Variants in CD109 observed in about 807,000 individuals in gnomAD.
The protein encoded by CD109 is CD109 antigen.
In CD109, 149 loss-of-function variants were observed where a neutral mutation model predicts 165.8. The ratio of observed to expected loss-of-function variants is 0.90; its 90% CI spans 0.79 to 1.03. The LOEUF (loss-of-function observed/expected upper bound fraction) is 1.03. CD109 is among the 50% of genes least tolerant of loss of function. The pLI, the probability that CD109 is intolerant of heterozygous loss-of-function variation, is 0.00. For synonymous variants in CD109, 585 were observed against 592.1 expected (o/e 0.99, Z 0.18); for missense variants, 1,712 against 1,677.8 (o/e 1.02, Z -0.36).
Position 73,803,319 on chromosome 6 carries a change from C to G in CD109, c.2960+18C>G. On this transcript the variant is annotated intron_variant, in intron 24 of 32. Coordinates refer to ENST00000287097, the MANE Select transcript of CD109 (RefSeq NM_133493.5). ...AGCACTTGGTAAGTGTTTTTGCCAA[C>G]TGAACAAATCCGTGTCATGGAATGG... 9 of 1,593,056 alleles carry G rather than the reference C, an allele frequency of 5.6e-6. No individual in the cohort carries two copies. The highest frequency in any genetic ancestry group is 7.7e-6 in the Non-Finnish European group (9 of 1,162,556).
intron 25 of CD109, 80 bp downstream of exon 25, chr6:73,807,152 AAACTT>A: frequency 9.9e-7 from 1 of 1,009,872 alleles, no homozygotes; most frequent in South Asian, 1.4e-5. Context: ...ATGTGTGTGG[AAACTT>A]AACAAGTTGC....
chr6:73,811,790 G>C (rs769052309), intron 28 of CD109, among the ~76,000 whole-genome samples: 1 of 152,168 alleles, frequency 6.6e-6, no homozygotes, highest in Non-Finnish European at 1.5e-5. Flanking sequence ...ATGAAGAGTG[G>C]TGATGATAAA....
chr6:73,693,149 T>A (rs967954684), upstream of CD109, among the ~76,000 whole-genome samples: 1 of 75,822 alleles, frequency 1.3e-5, no homozygotes, highest in Non-Finnish European at 2.7e-5. Flanking sequence ...GCTGGGTAAT[T>A]TATTAAAAAA....
chr6:73,775,185 G>GTATA (rs201965339), intron 15 of CD109, among the ~76,000 whole-genome samples: 2 of 150,474 alleles, frequency 1.3e-5, no homozygotes, highest in African/African-American at 4.9e-5. Flanking sequence ...GAGGTTATGT[G>GTATA]TATATATATA....
Position 73,750,345 on chromosome 6 carries a change from C to G in CD109, c.634-6298C>G, listed in dbSNP as rs911831138. 5.3e-5 allele frequency among the ~76,000 whole-genome samples: 8 copies of G among 152,070 alleles called. No individual in the cohort carries two copies. In the South Asian group the frequency reaches 1.7e-3, roughly 32 times the overall value. On this transcript the variant is annotated intron_variant, in intron 5 of 32. Coordinates refer to ENST00000287097, the MANE Select transcript of CD109 (RefSeq NM_133493.5). ...TTTAGGAGCAAAGCAGAGAAGCCAT[C>G]CAAAGCAATAGAGAAAGAACAGCCA...
chr6:73,693,382 C>T (rs538310919), upstream of CD109, among the ~76,000 whole-genome samples: 23 of 152,230 alleles, frequency 1.5e-4, no homozygotes, highest in South Asian at 8.3e-4. Context: ...ACTCACCCCC[C>T]GACCCCCAGG....
At chr6:73,798,656 A>C (rs1160362994) in intron 23 of CD109, among the ~76,000 whole-genome samples, 1 of 152,028 alleles carries the variant, frequency 6.6e-6, no homozygotes, top group Non-Finnish European at 1.5e-5. Context: ...TTCACTGCAA[A>C]ACTGGTGATT....
At chr6:73,681,162 TTCTC>T in the CD109 span, among the ~76,000 whole-genome samples, 1 of 152,196 alleles carries the variant, frequency 6.6e-6, no homozygotes, top group Admixed American at 6.5e-5. Flanking sequence ...CTTTGTTCTA[TTCTC>T]TCTCTTTTTT....
chr6:73,812,406 C>A, intron 29 of CD109, 136 bp downstream of exon 29: 1 of 580,026 alleles, frequency 1.7e-6, no homozygotes, highest in Non-Finnish European at 3.0e-6. Flanking sequence ...CAAGATATAT[C>A]ACTGTCTTTA....
At chr6:73,782,894 T>C in intron 18 of CD109, 139 bp downstream of exon 18, 2 of 679,514 alleles carry the variant, frequency 2.9e-6, no homozygotes, top group Non-Finnish European at 4.6e-6. Context: ...TTTTAGGAAA[T>C]GATATTTATT....
Position 73,697,519 on chromosome 6 carries a change from C to T in CD109, c.194C>T (p.Thr65Ile), listed in dbSNP as rs1215513773. Residue 65 changes from threonine (T) to isoleucine (I), a missense_variant, in exon 2 of 33, where the codon ACA becomes ATA. Coordinates refer to ENST00000287097, the MANE Select transcript of CD109 (RefSeq NM_133493.5). ...QVTVKAELLK[T>I]ASNLTVSVLE... ...ACTGTGAAGGCGGAGCTGCTCAAGA[C>T]AGCATCAAACCTCACTGTCTCTGTC... The T allele has an allele frequency of 6.2e-7, 1 of 1,614,002 alleles. No homozygotes were observed. Among genetic ancestry groups the T allele is most frequent in the African/African-American group, 1.3e-5 (1 of 74,914 alleles).
At chr6:73,744,934 C>A (rs60930597) in intron 5 of CD109, among the ~76,000 whole-genome samples, 3 of 152,020 alleles carry the variant, frequency 2.0e-5, no homozygotes, top group Non-Finnish European at 2.9e-5. Flanking sequence ...TCTTAGAGGT[C>A]GCCTAGATCC....
At chr6:73,816,425 C>A (rs920866964) in intron 30 of CD109, among the ~76,000 whole-genome samples, 11 of 152,168 alleles carry the variant, frequency 7.2e-5, no homozygotes, top group African/African-American at 2.7e-4. Context: ...TTAATTCTTA[C>A]AGGAACTCTG....
chr6:73,802,344 T>C lies in CD109; in HGVS notation c.2879-876T>C, dbSNP rs193110175. On this transcript the variant is annotated intron_variant, in intron 23 of 32. Coordinates refer to ENST00000287097, the MANE Select transcript of CD109 (RefSeq NM_133493.5). ...TTTTTTTTTTAGTGGAAACATGGAATTGGTGGGTAGGCAGGCAAGTTGGTT... is the reference window on the plus strand; with the variant it reads ...TTTTTTTTTTAGTGGAAACATGGAACTGGTGGGTAGGCAGGCAAGTTGGTT... 4.8e-4 allele frequency among the ~76,000 whole-genome samples: 67 copies of C among 140,474 alleles called. 1 individual carries two copies. Among genetic ancestry groups the C allele is most frequent in the African/African-American group, 1.7e-3 (64 of 37,552 alleles). The allele number at this position is 140,474 out of a possible 152,430, so 92.2% of individuals were successfully genotyped here.
At chr6:73,775,044 C>A (rs1191369216) in intron 15 of CD109, among the ~76,000 whole-genome samples, 1 of 151,838 alleles carries the variant, frequency 6.6e-6, no homozygotes, top group South Asian at 2.1e-4. Context: ...TAGACATTAG[C>A]CTTCTTTTCG....
chr6:73,826,121 G>A lies in CD109; in HGVS notation c.*2488G>A, dbSNP rs1007217134. 2 of 152,086 alleles carry A rather than the reference G, an allele frequency of 1.3e-5. No homozygotes were observed. Among genetic ancestry groups the A allele is most frequent in the Non-Finnish European group, 2.9e-5 (2 of 68,044 alleles). 9.4% of individuals were successfully genotyped at this position (152,086 alleles called of 1,614,324 possible). A position where few individuals can be genotyped will look rare whatever the true frequency, so the allele number is the denominator to read the frequency against. On this transcript the variant is annotated 3_prime_UTR_variant, in exon 33 of 33. Coordinates refer to ENST00000287097, the MANE Select transcript of CD109 (RefSeq NM_133493.5). The stretch of plus-strand genomic sequence containing the variant: ...GTGCATGGGGCTGTGCAGATGTCCC[G>A]GCCACTTCTTCCTTCATACTTCCCT...
At position 73,823,516 on chromosome 6, in the gene CD109, C is replaced by T. The variant is rs1776174120; in HGVS notation, c.4221C>T (p.Cys1407=). Residue 1407 remains cysteine, a synonymous_variant, in exon 33 of 33, where the codon TGC becomes TGT. Coordinates refer to ENST00000287097, the MANE Select transcript of CD109 (RefSeq NM_133493.5). ...TGAAGCTGTCCTCCTGTGACCTTTG[C>T]AGTGATGTCCAGGGCTGCCGTCCTT... The part of the protein sequence containing the change: ...SEVKLSSCDL[C]SDVQGCRPCE... The T allele has an allele frequency of 6.2e-7, 1 of 1,613,998 alleles. No individual in the cohort carries two copies. The highest frequency in any genetic ancestry group is 8.5e-7 in the Non-Finnish European group (1 of 1,179,918).
chr6:73,687,973 A>G, the CD109 span, among the ~76,000 whole-genome samples: 222 of 152,316 alleles, frequency 1.5e-3, 1 homozygote, highest in Non-Finnish European at 2.0e-3. Flanking sequence ...TAATAGATTA[A>G]TAAGTTTACA....
upstream of CD109, chr6:73,695,674 C>CCGGTTTT: frequency 6.5e-6 from 1 of 153,442 alleles, no homozygotes; most frequent in Non-Finnish European, 1.5e-5. Context: ...GAAATACGCC[C>CCGGTTTT]CGGTTTTGCG....
Sources: allele counts gnomAD v4.1 joint callset (sites outside exome capture counted in the v4.1 genomes callset), GRCh38; gene constraint gnomAD v4.1.1; transcripts MANE v1.5; gene names NCBI Gene and HGNC (gene_info 2026-07-23, HGNC 2026-07-21).